The following ZC3H4 variants were observed in gnomAD, a reference collection of about 807,000 sequenced individuals.
The protein encoded by ZC3H4 is zinc finger CCCH domain-containing protein 4.
Under a neutral mutation model 108.3 loss-of-function variants are expected in ZC3H4, and 13 were observed. The ratio of observed to expected loss-of-function variants is 0.12; its 90% CI spans 0.08 to 0.19. The LOEUF (loss-of-function observed/expected upper bound fraction) is 0.19, where lower values mean the gene tolerates loss of function less well. Among genes scored for constraint, ZC3H4 ranks in the 10% least tolerant of loss-of-function variants. The pLI is 1.00. For missense variants in ZC3H4, 1,734 were observed against 1,838.8 expected (o/e 0.94, Z 1.04); for synonymous variants, 917 against 749.6 (o/e 1.22, Z -3.65).
Position 47,112,848 on chromosome 19 carries a change from C to A in ZC3H4, c.-5-259G>T, listed in dbSNP as rs566676109. ...CCTCATAGGGGCGAGAGCCCCCCCC[C>A]CACGCACCCCCGGGGGGCGGGACAC... On this transcript the variant is annotated intron_variant, in intron 1 of 14. Transcript: ENST00000253048. Among the ~76,000 whole-genome samples the A allele has an allele frequency of 2.0e-5, 3 of 152,234 alleles. No individual in the cohort carries two copies. The South Asian group carries it at 6.2e-4, about 32-fold the overall frequency.
chr19:47,097,288 A>G (rs1285233720), intron 2 of ZC3H4, among the ~76,000 whole-genome samples: 1 of 152,240 alleles, frequency 6.6e-6, no homozygotes, highest in Non-Finnish European at 1.5e-5. Flanking sequence ...TAAAGTTGAG[A>G]GAGGCAGAGA....
rs144221330 is a variant in ZC3H4 at position 47,086,476 on chromosome 19, C to A, written c.778G>T (p.Gly260Cys). The change falls in exon 6 of 15, where the codon GGC becomes TGC. Residue 260 changes from glycine (G) to cysteine (C), a missense_variant. By Grantham distance (159) the Gly-to-Cys change is radical. Transcript: ENST00000253048. ...CTGCCTCGGCTGCCCCTGCCCATGC[C>A]GCGGCCTCGCGATCCTCCACGGCTT... ...RGSRGGSRGRGMGRGSRGRGR... is the reference protein window; with the variant it reads ...RGSRGGSRGRCMGRGSRGRGR... 6.2e-6 allele frequency: 10 copies of A among 1,610,012 alleles called. No homozygotes were observed. The highest frequency in any genetic ancestry group is 1.6e-4 in the Middle Eastern group (1 of 6,084).
chr19:47,098,186 G>T (rs2057853072), intron 2 of ZC3H4, among the ~76,000 whole-genome samples: 1 of 152,214 alleles, frequency 6.6e-6, no homozygotes, highest in South Asian at 2.1e-4. Flanking sequence ...CACGGACTTG[G>T]CAAAAACAGT....
At chr19:47,069,395 A>G in intron 13 of ZC3H4, 52 bp from the exon 14 acceptor site, 2 of 1,578,508 alleles carry the variant, frequency 1.3e-6, no homozygotes, top group Non-Finnish European at 1.7e-6. Flanking sequence ...TCCAGGTGCC[A>G]ACTCCAGCCC....
intron 11 of ZC3H4, among the ~76,000 whole-genome samples, chr19:47,073,761 G>A (rs1031196692): frequency 6.6e-6 from 1 of 152,132 alleles, no homozygotes; most frequent in African/African-American, 2.4e-5. Context: ...CCGTCTCTGC[G>A]GACCTGCCCC....
intron 2 of ZC3H4, among the ~76,000 whole-genome samples, chr19:47,098,520 T>C (rs959191753): frequency 6.6e-6 from 1 of 150,912 alleles, no homozygotes; most frequent in East Asian, 1.9e-4. Flanking sequence ...TCCCAGCACT[T>C]TGGGAGGCCA....
Position 47,067,887 on chromosome 19 carries a change from A to C in ZC3H4, c.2399-18T>G. 2 of 1,569,486 alleles carry C rather than the reference A, an allele frequency of 1.3e-6. No homozygotes were observed. The highest frequency in any genetic ancestry group is 1.2e-5 in the South Asian group (1 of 86,324). On this transcript the variant is annotated intron_variant, in intron 14 of 14. Transcript: ENST00000253048. The surrounding 1 kb of genome is among the most constrained non-coding windows in gnomAD (Gnocchi z 6.4). ...GGTGTCACCTGGGAAAGAACAGAGG[A>C]GCAGGGAGGGGTGAGTGGGCGCATC...
At position 47,064,465 on chromosome 19, in the gene ZC3H4, A is replaced by T. The variant is rs770104762; in HGVS notation, c.*1891T>A. 2 of 152,514 alleles carry T rather than the reference A, an allele frequency of 1.3e-5. No homozygotes were observed. Among genetic ancestry groups the T allele is most frequent in the Non-Finnish European group, 2.9e-5 (2 of 68,042 alleles). The allele number at this position is 152,514 out of a possible 1,614,324, so 9.4% of individuals were successfully genotyped here. On this transcript the variant is annotated 3_prime_UTR_variant, in exon 15 of 15. Coordinates refer to ENST00000253048, the MANE Select transcript of ZC3H4 (RefSeq NM_015168.2). The stretch of plus-strand genomic sequence containing the variant: ...TGATGGCAAATGAGAATTTCGGGTG[A>T]ATTCATAGTCCTATGAGGTTCTTAG...
rs1439794271 is a variant in ZC3H4 at position 47,079,748 on chromosome 19, G to A, written c.1440+1765C>T. On this transcript the variant is annotated intron_variant, in intron 11 of 14. Coordinates refer to ENST00000253048, the MANE Select transcript of ZC3H4 (RefSeq NM_015168.2). ...CCGTCTCTACTGAAAATAGCTGGGC[G>A]CAGCGGCATGCGCCTGTAGTCCCAG... Among the ~76,000 whole-genome samples the A allele has an allele frequency of 3.3e-5, 5 of 152,252 alleles. No individual in the cohort carries two copies. The East Asian group carries it at 7.7e-4, about 24-fold the overall frequency.
At chr19:47,074,011 C>T (rs2122744430) in intron 11 of ZC3H4, among the ~76,000 whole-genome samples, 1 of 152,240 alleles carries the variant, frequency 6.6e-6, no homozygotes, top group Middle Eastern at 3.4e-3. Flanking sequence ...CTGGGGACGA[C>T]TGGGTAGCTT....
At position 47,096,382 on chromosome 19, in the gene ZC3H4, G is replaced by T. The variant is rs558545971; in HGVS notation, c.162-1774C>A. ...GTCCTGACAAGGGAGGTGCCTTCCC[G>T]CTGGGGTGCGGCCCACAGAAACCAG... On this transcript the variant is annotated intron_variant, in intron 2 of 14. Coordinates refer to ENST00000253048, the MANE Select transcript of ZC3H4 (RefSeq NM_015168.2). Among the ~76,000 whole-genome samples, 4 of 152,356 alleles carry T rather than the reference G, an allele frequency of 2.6e-5. No individual in the cohort carries two copies. The South Asian group carries it at 8.3e-4, about 32-fold the overall frequency.
At position 47,067,363 on chromosome 19, in the gene ZC3H4, T is replaced by C. The variant is rs2057231755; in HGVS notation, c.2905A>G (p.Ser969Gly). 1.2e-6 allele frequency: 2 copies of C among 1,607,158 alleles called. No individual in the cohort carries two copies. Among genetic ancestry groups the C allele is most frequent in the Non-Finnish European group, 1.7e-6 (2 of 1,176,188 alleles). ...ACGGTGCGGGCGAAGCTGGGCTTGCTCAGGGTCACGTCCTTCTTGATGTGG... is the reference window on the plus strand; with the variant it reads ...ACGGTGCGGGCGAAGCTGGGCTTGCCCAGGGTCACGTCCTTCTTGATGTGG... ...FSHIKKDVTL[S>G]KPSFARTVLW... Residue 969 changes from serine to glycine, a missense_variant, in exon 15 of 15, where the codon AGC becomes GGC. By Grantham distance (56) the Ser-to-Gly change is moderately conservative. Around this residue, in one of 9 missense-constraint regions of ZC3H4, gnomAD observed 518 missense variants for 499.6 expected, o/e 1.04. Coordinates refer to ENST00000253048, the MANE Select transcript of ZC3H4 (RefSeq NM_015168.2). The surrounding 1 kb of genome is among the most constrained non-coding windows in gnomAD (Gnocchi z 6.4).
chr19:47,086,534 G>A lies in ZC3H4; in HGVS notation c.720C>T (p.Ser240=). The change falls in exon 6 of 15, where the codon AGC becomes AGT. Residue 240 remains serine, a synonymous_variant. Transcript: ENST00000253048. ...CCCTGTAGCCCCGGCCCCGGCCTCG[G>A]CTGCCTGCATGGAGATTCAGATAGT... ...AKEGSSRGRG[S]RGRGRGYRGR... is the part of the protein sequence containing the mutation. The A allele has an allele frequency of 1.3e-6, 2 of 1,585,936 alleles. No homozygotes were observed. The highest frequency in any genetic ancestry group is 1.1e-5 in the South Asian group (1 of 89,160).
At position 47,064,907 on chromosome 19, in the gene ZC3H4, G is replaced by A. The variant is rs2057174148; in HGVS notation, c.*1449C>T. 6.6e-6 allele frequency: 1 copy of A among 152,122 alleles called. No homozygotes were observed. Among genetic ancestry groups the A allele is most frequent in the South Asian group, 2.1e-4 (1 of 4,830 alleles). The allele number at this position is 152,122 out of a possible 1,614,324, so 9.4% of individuals were successfully genotyped here. A position where few individuals can be genotyped will look rare whatever the true frequency, so the allele number is the denominator to read the frequency against. On this transcript the variant is annotated 3_prime_UTR_variant, in exon 15 of 15. Transcript: ENST00000253048. ...TGTTCACCCCACCCTGAGGAGGAGGGAAGGGGAATCCCTTGGCAGGTAACT... is the reference window on the plus strand; with the variant it reads ...TGTTCACCCCACCCTGAGGAGGAGGAAAGGGGAATCCCTTGGCAGGTAACT...
At chr19:47,087,748 C>T (rs559490560) in intron 5 of ZC3H4, among the ~76,000 whole-genome samples, 2 of 152,104 alleles carry the variant, frequency 1.3e-5, no homozygotes, top group Non-Finnish European at 2.9e-5. Context: ...GTGGTGCAGG[C>T]CTGTAATCCC....
rs1292733925 is a variant in ZC3H4, at chr19:47,066,964, C to A, written c.3304G>T (p.Ala1102Ser). Reference protein sequence around the residue: ...SRAAKPGPAEAPSPTASPSGD... With the variant: ...SRAAKPGPAESPSPTASPSGD... ...CTCGGGCTGGCGGTGGGAGAGGGCG[C>A]CTCAGCAGGGCCGGGCTTGGCAGCC... is the stretch of plus-strand genomic sequence containing the variant. The change falls in exon 15 of 15, where the codon GCG (alanine) becomes TCG (serine). Residue 1102 changes from alanine to serine, a missense_variant. Coordinates refer to ENST00000253048, the MANE Select transcript of ZC3H4 (RefSeq NM_015168.2). 1.9e-6 allele frequency: 3 copies of A among 1,592,902 alleles called. No individual in the cohort carries two copies. The highest frequency in any genetic ancestry group is 1.3e-5 in the African/African-American group (1 of 74,560).
chr19:47,097,093 G>C (rs540331148), intron 2 of ZC3H4: 1,083 of 713,590 alleles, frequency 1.5e-3, no homozygotes, highest in Non-Finnish European at 1.6e-3. Flanking sequence ...CATCCAGAAT[G>C]ATTCTAGAAA....
At chr19:47,099,834 A>G (rs1230654834) in intron 2 of ZC3H4, among the ~76,000 whole-genome samples, 1 of 151,590 alleles carries the variant, frequency 6.6e-6, no homozygotes, top group Non-Finnish European at 1.5e-5. Context: ...AAAAAAAAAA[A>G]AAAAAAAAAA....
chr19:47,089,854 A>T, intron 5 of ZC3H4, 113 bp downstream of exon 5: 3 of 1,070,834 alleles, frequency 2.8e-6, no homozygotes, highest in East Asian at 2.5e-5. Context: ...CCTTCTTTGT[A>T]CACTTATCCC....
Sources: allele counts gnomAD v4.1 joint callset (sites outside exome capture counted in the v4.1 genomes callset), GRCh38; gene constraint gnomAD v4.1.1; regional missense constraint gnomAD v4.1.1; non-coding constraint Gnocchi (gnomAD v3.1); transcripts MANE v1.5; gene names NCBI Gene and HGNC (gene_info 2026-07-23, HGNC 2026-07-21).